Variants in COX7A2 observed in about 807,000 individuals in gnomAD.
The protein encoded by COX7A2 is cytochrome c oxidase subunit 7A2.
In COX7A2, 11 loss-of-function variants were observed where a neutral mutation model predicts 11.6. That is an observed-to-expected ratio of 0.95 (90% CI 0.60 to 1.57). The LOEUF (loss-of-function observed/expected upper bound fraction) is 1.57. Among genes scored for constraint, COX7A2 ranks in the 40% most tolerant of loss-of-function variants. The probability of loss-of-function intolerance (pLI) is 0.00; values close to 1 mark genes in which losing one functional copy is unlikely to be tolerated. For synonymous variants in COX7A2, 30 were observed against 38.2 expected (o/e 0.78, Z 0.79); for missense variants, 106 against 100.9 (o/e 1.05, Z -0.22).
chr6:75,248,945 TAAG>T (rs1771736859), intron 1 of COX7A2, among the ~76,000 whole-genome samples: 1 of 152,130 alleles, frequency 6.6e-6, no homozygotes, highest in African/African-American at 2.4e-5. Context: ...ACTAGTGGGC[TAAG>T]GTTGTAAAAA....
intron 2 of COX7A2, chr6:75,240,895 C>A (rs1244652463): frequency 8.0e-6 from 2 of 250,530 alleles, no homozygotes; most frequent in African/African-American, 4.4e-5. Context: ...TATGATACAA[C>A]TATTTTTAAT....
chr6:75,238,952 T>C (rs909595506), intron 3 of COX7A2, among the ~76,000 whole-genome samples: 11 of 151,746 alleles, frequency 7.2e-5, no homozygotes, highest in African/African-American at 2.7e-4. Flanking sequence ...GTAGCTGGGA[T>C]TGCAAGTGTG....
upstream of COX7A2, among the ~76,000 whole-genome samples, chr6:75,245,148 CAATT>C (rs1407873415): frequency 1.3e-5 from 2 of 152,126 alleles, no homozygotes; most frequent in Non-Finnish European, 2.9e-5. Context: ...ACCAATACAT[CAATT>C]AATTACATTG....
At chr6:75,240,213 A>T in intron 3 of COX7A2, 88 bp downstream of exon 3, 2 of 968,398 alleles carry the variant, frequency 2.1e-6, no homozygotes, top group Non-Finnish European at 3.2e-6. Flanking sequence ...TGCCTGCATT[A>T]AAATACTGGC....
intron 3 of COX7A2, among the ~76,000 whole-genome samples, chr6:75,238,815 CT>C (rs544006391): frequency 6.9e-6 from 1 of 144,346 alleles, no homozygotes; most frequent in Non-Finnish European, 1.5e-5. Flanking sequence ...AGGGCTTTAT[CT>C]TTTTTTTTCT....
intron 2 of COX7A2, 179 bp downstream of exon 2, chr6:75,240,997 C>G: frequency 1.5e-6 from 1 of 659,392 alleles, no homozygotes; most frequent in Admixed American, 3.2e-5. Context: ...TTGCTCTGCT[C>G]CACCAGGTCT....
intron 2 of COX7A2, chr6:75,240,643 G>T: frequency 2.9e-6 from 1 of 346,356 alleles, no homozygotes; most frequent in Non-Finnish European, 5.2e-6. Flanking sequence ...TCTTTCCAAA[G>T]AATATATAAA....
upstream of COX7A2, among the ~76,000 whole-genome samples, chr6:75,245,631 G>A (rs117549044): frequency 1.1e-3 from 173 of 151,838 alleles, 1 homozygote; most frequent in East Asian, 0.024. Context: ...AAAAACAAAC[G>A]AACAAACTCC....
upstream of COX7A2, among the ~76,000 whole-genome samples, chr6:75,248,763 C>A (rs142798097): frequency 8.7e-4 from 133 of 152,270 alleles, no homozygotes; most frequent in African/African-American, 3.1e-3. Flanking sequence ...CGGTTACCTA[C>A]TATGAATGTA....
chr6:75,249,152 G>A (rs1231674616), intron 1 of COX7A2, among the ~76,000 whole-genome samples: 2 of 152,136 alleles, frequency 1.3e-5, no homozygotes, highest in Non-Finnish European at 2.9e-5. Context: ...CAGGAGGATC[G>A]CTTGAACCTG....
At chr6:75,240,144 T>A (rs960713276) in intron 3 of COX7A2, 157 bp downstream of exon 3, 1 of 643,208 alleles carries the variant, frequency 1.6e-6, no homozygotes, top group Non-Finnish European at 2.7e-6. Context: ...ACAGTATGTA[T>A]CAGTCACCCT....
At chr6:75,242,015 A>T (rs1188799175) in intron 1 of COX7A2, 2 of 152,788 alleles carry the variant, frequency 1.3e-5, no homozygotes, top group African/African-American at 4.8e-5. Flanking sequence ...AGCCTGAACA[A>T]CATGGAGAAA....
At position 75,243,045 on chromosome 6, in the gene COX7A2, C is replaced by A. The variant is rs1445093683; in HGVS notation, c.18+672G>T. On this transcript the variant is annotated intron_variant, in intron 1 of 3. Coordinates refer to ENST00000684430, the MANE Select transcript of COX7A2 (RefSeq NM_001366293.2). ...TTAAATAATGAAACAAATATGCTCT[C>A]GATTTTCTAAAATTACATTGAGGAT... Among the ~76,000 whole-genome samples the A allele has an allele frequency of 3.3e-5, 5 of 152,158 alleles. No individual in the cohort carries two copies. In the South Asian group the frequency reaches 1.0e-3, roughly 32 times the overall value.
upstream of COX7A2, among the ~76,000 whole-genome samples, chr6:75,246,281 T>G (rs1399418413): frequency 6.6e-6 from 1 of 152,148 alleles, no homozygotes; most frequent in Non-Finnish European, 1.5e-5. Flanking sequence ...ATTCCCCAAC[T>G]TTCTCCTCTG....
At chr6:75,248,720 AACATG>A (rs1251952862), upstream of COX7A2, among the ~76,000 whole-genome samples, 2 of 3,398 alleles carry the variant, frequency 5.9e-4, no homozygotes, top group Non-Finnish European at 6.8e-3. Flanking sequence ...CATCAACATG[AACATG>A]AGTCATTCCC....
At chr6:75,246,578 G>C (rs1423660263), upstream of COX7A2, among the ~76,000 whole-genome samples, 1 of 152,052 alleles carries the variant, frequency 6.6e-6, no homozygotes, top group Non-Finnish European at 1.5e-5. Flanking sequence ...CTCTAAACTC[G>C]GTTGTGTTTA....
intron 2 of COX7A2, 59 bp from the exon 3 acceptor site, chr6:75,240,444 G>T: frequency 8.2e-7 from 1 of 1,223,898 alleles, no homozygotes; most frequent in Admixed American, 2.5e-5. Flanking sequence ...TTCCAACTAA[G>T]TTTCAAAAGA....
intron 1 of COX7A2, among the ~76,000 whole-genome samples, chr6:75,248,933 A>G (rs773928847): frequency 6.6e-6 from 1 of 152,212 alleles, no homozygotes; most frequent in Non-Finnish European, 1.5e-5. Flanking sequence ...AAATTCAAAG[A>G]AACTAGTGGG....
chr6:75,238,634 G>C (rs555831347), intron 3 of COX7A2, among the ~76,000 whole-genome samples: 1 of 148,350 alleles, frequency 6.7e-6, no homozygotes, highest in South Asian at 2.1e-4. Flanking sequence ...AACCTGGGAG[G>C]CAGAGGTTGC....
Sources: gnomAD v4.1 joint callset for allele counts (sites outside exome capture counted in the v4.1 genomes callset) on GRCh38, gnomAD v4.1.1 for gene constraint, MANE v1.5 for transcripts, NCBI Gene and HGNC (gene_info 2026-07-23, HGNC 2026-07-21) for gene names.